The following CACNA1I variants were observed in gnomAD, a reference collection of about 807,000 sequenced individuals.
CACNA1I encodes voltage-dependent T-type calcium channel subunit alpha-1I.
In CACNA1I, 74 loss-of-function variants were observed where a neutral mutation model predicts 201.6. The observed-to-expected ratio is 0.37, with a 90% confidence interval of 0.30 to 0.45. CACNA1I has a LOEUF of 0.45. Ranked by LOEUF, CACNA1I falls within the 20% of genes least tolerant of loss-of-function variation. The pLI is 1.00. For missense variants in CACNA1I, 2,346 were observed against 3,138.1 expected, an observed-to-expected ratio of 0.75 and a Z score of 6.03; for synonymous variants, 1,431 against 1,345.2, an observed-to-expected ratio of 1.06 and a Z score of -1.40.
Position 39,648,009 on chromosome 22 carries a change from G to C in CACNA1I, c.1567+83G>C. The C allele has an allele frequency of 7.9e-7, 1 of 1,259,932 alleles. No individual in the cohort carries two copies. Among genetic ancestry groups the C allele is most frequent in the Non-Finnish European group, 1.1e-6 (1 of 874,596 alleles). 78.0% of individuals were successfully genotyped at this position (1,259,932 alleles called of 1,614,324 possible). A position where few individuals can be genotyped will look rare whatever the true frequency, so the allele number is the denominator to read the frequency against. The stretch of plus-strand genomic sequence containing the variant: ...GTTGGTGCTGAGAAGGAAGTCGGCA[G>C]GCATGGGGACGGCGCTTGAGCAGCC... On this transcript the variant is annotated intron_variant, in intron 9 of 36. Coordinates refer to ENST00000402142, the MANE Select transcript of CACNA1I (RefSeq NM_021096.4). This position sits in a 1 kb window ranked among gnomAD's most constrained non-coding sequence, Gnocchi z 5.4.
intron 3 of CACNA1I, among the ~76,000 whole-genome samples, chr22:39,601,848 TCCC>T (rs1933043059): frequency 2.0e-5 from 2 of 100,686 alleles, no homozygotes; most frequent in African/African-American, 3.9e-5. Context: ...CCTCCCTCCC[TCCC>T]TCCCTCCTTC....
intron 3 of CACNA1I, among the ~76,000 whole-genome samples, chr22:39,604,047 C>T (rs1281113505): frequency 2.0e-5 from 3 of 152,186 alleles, no homozygotes; most frequent in Non-Finnish European, 4.4e-5. Context: ...TTAAATTATG[C>T]TTCAAAATGA....
At chr22:39,583,362 A>G (rs1252207869) in intron 1 of CACNA1I, among the ~76,000 whole-genome samples, 3 of 64,092 alleles carry the variant, frequency 4.7e-5, no homozygotes, top group East Asian at 4.2e-4. Context: ...CCATCCAACC[A>G]TCTATCCATC....
Position 39,658,247 on chromosome 22 carries a change from C to G in CACNA1I, c.2088C>G (p.Leu696=). The G allele has an allele frequency of 6.2e-7, 1 of 1,613,990 alleles. No individual in the cohort carries two copies. The highest frequency in any genetic ancestry group is 1.1e-5 in the South Asian group (1 of 91,080). The change falls in exon 11 of 37, where the codon CTC becomes CTG. Residue 696 remains leucine, a synonymous_variant. Coordinates refer to ENST00000402142, the MANE Select transcript of CACNA1I (RefSeq NM_021096.4). ...TCCTGAAGCTGGCTGCATTTGGGCT[C>G]TTCGACTACCTGCGTAACCCCTACA... ...EMILKLAAFG[L]FDYLRNPYNI... is the part of the protein sequence containing the mutation.
intron 4 of CACNA1I, among the ~76,000 whole-genome samples, chr22:39,624,179 T>A (rs948166594): frequency 1.3e-5 from 2 of 151,950 alleles, no homozygotes; most frequent in South Asian, 2.1e-4. Context: ...TGTGTGTGTG[T>A]GAAGAGCGTG....
intron 1 of CACNA1I, among the ~76,000 whole-genome samples, chr22:39,580,817 A>G (rs1932523882): frequency 6.6e-6 from 1 of 152,182 alleles, no homozygotes; most frequent in Non-Finnish European, 1.5e-5. Flanking sequence ...GAGGCATAGA[A>G]ACCAGGTAAG....
chr22:39,578,000 G>T (rs1298064652), intron 1 of CACNA1I, among the ~76,000 whole-genome samples: 2 of 152,024 alleles, frequency 1.3e-5, no homozygotes, highest in African/African-American at 4.8e-5. Context: ...GACAAACTAA[G>T]TGCTGAGTGG....
intron 24 of CACNA1I, among the ~76,000 whole-genome samples, chr22:39,669,768 T>C (rs1403725807): frequency 6.6e-6 from 1 of 152,110 alleles, no homozygotes; most frequent in Non-Finnish European, 1.5e-5. Context: ...GGTGAATGAA[T>C]GGATAGGTCA....
chr22:39,607,083 G>T (rs1182219012), intron 3 of CACNA1I, among the ~76,000 whole-genome samples: 2 of 152,228 alleles, frequency 1.3e-5, no homozygotes, highest in African/African-American at 4.8e-5. Flanking sequence ...GTCTCTGGGG[G>T]TGAGCCAGGG....
In CACNA1I at chr22:39,676,962, G is replaced by C. The variant is rs1935529288; in HGVS notation, c.4855-379G>C. On this transcript the variant is annotated intron_variant, in intron 29 of 36. Coordinates refer to ENST00000402142, the MANE Select transcript of CACNA1I (RefSeq NM_021096.4). The surrounding 1 kb of genome is among the most constrained non-coding windows in gnomAD (Gnocchi z 4.8). ...CTGGGTTTGGACCCTTGTCCTACCA[G>C]TTACTAGCTGTGCGACTCTGGACAA... is the stretch of plus-strand genomic sequence containing the variant. Among the ~76,000 whole-genome samples, 1 of 152,202 alleles carries C rather than the reference G, an allele frequency of 6.6e-6. No individual in the cohort carries two copies. The highest frequency in any genetic ancestry group is 1.5e-5 in the Non-Finnish European group (1 of 68,048).
rs559153990 is a variant in CACNA1I, at chr22:39,618,171, CTGTG to C, written c.483-1132_483-1129del. ...TGTGACTTTTTTTGGAGGTGTGTGA[CTGTG>C]TGTGTGGGTATGTGGTTGTGTACGT... On this transcript the variant is annotated intron_variant, in intron 3 of 36. Coordinates refer to ENST00000402142, the MANE Select transcript of CACNA1I (RefSeq NM_021096.4). 4.4e-3 allele frequency among the ~76,000 whole-genome samples: 614 copies of C among 138,624 alleles called. 2 individuals are homozygous for C. The highest frequency in any genetic ancestry group is 0.016 in the African/African-American group (583 of 36,506). 90.9% of individuals were successfully genotyped at this position (138,624 alleles called of 152,430 possible).
intron 28 of CACNA1I, among the ~76,000 whole-genome samples, 182 bp downstream of exon 28, chr22:39,673,264 C>T (rs1056762457): frequency 3.3e-5 from 5 of 152,196 alleles, no homozygotes; most frequent in Middle Eastern, 3.4e-3. Context: ...CCAACACACA[C>T]GCATGCACCC....
At chr22:39,602,018 C>CTCCCTCCCTCCCTCCCTCCCTCCCT (rs1933073527) in intron 3 of CACNA1I, among the ~76,000 whole-genome samples, 1 of 3,772 alleles carries the variant, frequency 2.7e-4, no homozygotes. Context: ...CCTTCCTTCC[C>CTCCCTCCCTCCCTCCCTCCCTCCCT]TCCTTCCTTC....
chr22:39,673,907 C>G lies in CACNA1I; in HGVS notation c.4784-56C>G. 9 of 1,554,056 alleles carry G rather than the reference C, an allele frequency of 5.8e-6. No individual in the cohort carries two copies. In the South Asian group the frequency reaches 8.9e-5, roughly 15 times the overall value. On this transcript the variant is annotated intron_variant, in intron 28 of 36. Transcript: ENST00000402142. ...TTACACACGTGCACACATGCGTGCA[C>G]ACACACGTCCCCACCGGCCTGGGGC...
intron 6 of CACNA1I, among the ~76,000 whole-genome samples, chr22:39,641,499 G>C (rs1322126093): frequency 6.6e-6 from 1 of 152,212 alleles, no homozygotes; most frequent in Non-Finnish European, 1.5e-5. Context: ...CCAGCAGGGA[G>C]GGCTGTTCAG....
rs570682099 is a variant in CACNA1I at position 39,670,239 on chromosome 22, G to T, written c.4387+9G>T. 2 of 1,609,948 alleles carry T rather than the reference G, an allele frequency of 1.2e-6. No homozygotes were observed. Among genetic ancestry groups the T allele is most frequent in the South Asian group, 2.2e-5 (2 of 91,012 alleles). ...GGAGAAGAAGCGCCGGAGTGAGTGG[G>T]TGCCTGTGGAGGGCGTGGGCCACCC... is the stretch of plus-strand genomic sequence containing the variant. On this transcript the variant is annotated intron_variant, in intron 25 of 36. Transcript: ENST00000402142.
At chr22:39,627,131 G>A (rs1375957011) in intron 4 of CACNA1I, among the ~76,000 whole-genome samples, 3 of 152,054 alleles carry the variant, frequency 2.0e-5, no homozygotes, top group Non-Finnish European at 2.9e-5. Flanking sequence ...ACCCACTCCC[G>A]TCCCCAGTGT....
chr22:39,572,043 A>G (rs1932201313), intron 1 of CACNA1I, among the ~76,000 whole-genome samples: 1 of 152,158 alleles, frequency 6.6e-6, no homozygotes, highest in African/African-American at 2.4e-5. Flanking sequence ...AGTTGCAGGC[A>G]GTGTTGGAGC....
At chr22:39,641,594 GA>G (rs1934352944) in intron 6 of CACNA1I, among the ~76,000 whole-genome samples, 1 of 152,204 alleles carries the variant, frequency 6.6e-6, no homozygotes, top group African/African-American at 2.4e-5. Flanking sequence ...TCCTGGTGGG[GA>G]CAGCCTGAGC....
Sources: allele counts gnomAD v4.1 joint callset (sites outside exome capture counted in the v4.1 genomes callset), GRCh38; gene constraint gnomAD v4.1.1; non-coding constraint Gnocchi (gnomAD v3.1); transcripts MANE v1.5; gene names NCBI Gene and HGNC (gene_info 2026-07-23, HGNC 2026-07-21).